The following EYS variants were observed in gnomAD, a reference collection of about 807,000 sequenced individuals.
The protein encoded by EYS is protein eyes shut homolog.
A neutral mutation model predicts 282.1 loss-of-function variants in EYS; 250 were observed. That is an observed-to-expected ratio of 0.89 (90% CI 0.80 to 0.98). The LOEUF (loss-of-function observed/expected upper bound fraction) is 0.98, where lower values mean the gene tolerates loss of function less well. EYS is among the 50% of genes least tolerant of loss of function. The pLI is 0.00. For synonymous variants in EYS, 1,355 were observed against 1,282.9 expected, an observed-to-expected ratio of 1.06 and a Z score of -1.20; for missense variants, 4,016 against 3,709.0, an observed-to-expected ratio of 1.08 and a Z score of -2.15.
chr6:64,101,649 A>T (rs1266843242), intron 31 of EYS, among the ~76,000 whole-genome samples: 1 of 151,376 alleles, frequency 6.6e-6, no homozygotes, highest in Non-Finnish European at 1.5e-5. Context: ...TCTAGTTCCC[A>T]TTTTTTTTGG....
intron 14 of EYS, among the ~76,000 whole-genome samples, chr6:64,951,673 CTGAGTTTGA>C (rs1467457070): frequency 6.6e-6 from 1 of 151,648 alleles, no homozygotes; most frequent in African/African-American, 2.4e-5. Flanking sequence ...AAGAAAAACT[CTGAGTTTGA>C]AAATTATAAC....
In EYS at chr6:65,620,284, A is replaced by G. The variant is rs191498160; in HGVS notation, c.-333+19494T>C. Among the ~76,000 whole-genome samples, 958 of 152,184 alleles carry G rather than the reference A, an allele frequency of 6.3e-3. 10 individuals are homozygous for G. Among genetic ancestry groups the G allele is most frequent in the African/African-American group, 0.022 (913 of 41,514 alleles). On this transcript the variant is annotated intron_variant, in intron 2 of 42. Transcript: ENST00000503581. ...AGCTTCTTCCTGGTTTAGTCTTGGG[A>G]GGGTGTATGTGTCGAGGAATTCATC...
Position 64,768,954 on chromosome 6 carries a change from A to G in EYS, c.3443+44424T>C, listed in dbSNP as rs560440254. ...GATGCTGGCAGGAAAAGTGTTGGCA[A>G]TTGTGTATGAATGGAGCTAGATCCT... On this transcript the variant is annotated intron_variant, in intron 22 of 42. Transcript: ENST00000503581. Among the ~76,000 whole-genome samples the G allele has an allele frequency of 1.9e-4, 29 of 152,220 alleles. No homozygotes were observed. In the South Asian group the frequency reaches 6.0e-3, roughly 32 times the overall value.
intron 22 of EYS, among the ~76,000 whole-genome samples, chr6:64,784,463 A>G (rs536084182): frequency 2.6e-5 from 4 of 152,120 alleles, no homozygotes; most frequent in Admixed American, 1.3e-4. Context: ...ATGGTTTGCT[A>G]GCTATCTTGC....
In EYS at chr6:65,527,777, T is replaced by C. The variant is rs190123179; in HGVS notation, c.-332-31784A>G. On this transcript the variant is annotated intron_variant, in intron 2 of 42. Coordinates refer to ENST00000503581, the MANE Select transcript of EYS (RefSeq NM_001142800.2). ...GAAAGTCATTCATCCATAGTAGACATGATAAACTGTGTAGATATGGGTTTG... is the reference window on the plus strand; with the variant it reads ...GAAAGTCATTCATCCATAGTAGACACGATAAACTGTGTAGATATGGGTTTG... Among the ~76,000 whole-genome samples, 7 of 152,294 alleles carry C rather than the reference T, an allele frequency of 4.6e-5. No homozygotes were observed. In the East Asian group the frequency reaches 7.7e-4, roughly 17 times the overall value.
In EYS at chr6:64,813,626, C is replaced by T. The variant is rs190511044; in HGVS notation, c.3244-49G>A. ...AATTTGATTATTAGTATAAGGTTGA[C>T]CATTTTAATATAATTATATTTTTAT... On this transcript the variant is annotated intron_variant, in intron 21 of 42. Transcript: ENST00000503581. The T allele has an allele frequency of 4.8e-5, 53 of 1,105,822 alleles. No homozygotes were observed. The Admixed American group carries it at 8.9e-4, about 19-fold the overall frequency. The allele number at this position is 1,105,822 out of a possible 1,614,324, so 68.5% of individuals were successfully genotyped here.
chr6:64,155,619 A>T (rs1292435766), intron 31 of EYS, among the ~76,000 whole-genome samples: 1 of 152,154 alleles, frequency 6.6e-6, no homozygotes, highest in Non-Finnish European at 1.5e-5. Context: ...CCTAGGAAGG[A>T]TACCGTGTAA....
rs375678452 is a variant in EYS, at chr6:65,443,390, GCA to G, written c.863-38025_863-38024del. Among the ~76,000 whole-genome samples, 19 of 100,868 alleles carry G rather than the reference GCA, an allele frequency of 1.9e-4. 4 individuals are homozygous for G. Among genetic ancestry groups the G allele is most frequent in the East Asian group, 3.8e-4 (1 of 2,638 alleles). 66.2% of individuals were successfully genotyped at this position (100,868 alleles called of 152,430 possible). ...TGTATGTACACATATAGACATATAT[GCA>G]TACATGTATGTACACATATAGCCAT... On this transcript the variant is annotated intron_variant, in intron 5 of 42. Transcript: ENST00000503581.
intron 2 of EYS, among the ~76,000 whole-genome samples, chr6:65,633,730 C>A (rs1342429506): frequency 6.6e-6 from 1 of 152,202 alleles, no homozygotes; most frequent in Non-Finnish European, 1.5e-5. Context: ...CAATTTCTCA[C>A]ACTTTTATAG....
At position 64,591,876 on chromosome 6, in the gene EYS, TAG is replaced by T; in HGVS notation, c.3989_3990del (p.Thr1330LysfsTer27). ...ESYLLQELIVTRELSAKHSLL... is the reference protein window; with the variant it reads ...ESYLLQELIVXRELSAKHSLL... ...AGACTGTGTTTTGCTGAAAGCTCTC[TAG>T]TGACAATCAGTTCTTGGAGTAAGTA... On this transcript the variant is annotated frameshift_variant, in exon 26 of 43. Coordinates refer to ENST00000503581, the MANE Select transcript of EYS (RefSeq NM_001142800.2). LOFTEE classifies it high-confidence loss of function. 5 of 1,551,128 alleles carry T rather than the reference TAG, an allele frequency of 3.2e-6. No homozygotes were observed. In the African/African-American group the frequency reaches 6.8e-5, roughly 21 times the overall value.
rs117439819 is a variant in EYS, at chr6:63,765,223, A to G, written c.7899-2590T>C. On this transcript the variant is annotated intron_variant, in intron 40 of 42. Transcript: ENST00000503581. Reference sequence around the variant, plus strand: ...GTATTGTGCTTGATACTGAGATTCTACAACACAGGAGGCTCCATTTTTGAC... The same window carrying G: ...GTATTGTGCTTGATACTGAGATTCTGCAACACAGGAGGCTCCATTTTTGAC... 6.0e-4 allele frequency among the ~76,000 whole-genome samples: 92 copies of G among 152,194 alleles called. No homozygotes were observed. In the East Asian group the frequency reaches 0.017, roughly 28 times the overall value.
chr6:64,395,975 T>G (rs1773357200), intron 28 of EYS, among the ~76,000 whole-genome samples: 1 of 151,942 alleles, frequency 6.6e-6, no homozygotes, highest in Non-Finnish European at 1.5e-5. Flanking sequence ...AATATTATAT[T>G]GTGAACATAG....
At chr6:64,551,181 C>G (rs1562056653) in intron 26 of EYS, among the ~76,000 whole-genome samples, 1 of 148,880 alleles carries the variant, frequency 6.7e-6, no homozygotes, top group Non-Finnish European at 1.5e-5. Context: ...CATATATACA[C>G]ACATATATAC....
At chr6:64,213,289 A>AG (rs1554219171) in intron 31 of EYS, among the ~76,000 whole-genome samples, 1 of 151,966 alleles carries the variant, frequency 6.6e-6, no homozygotes, top group Non-Finnish European at 1.5e-5. Context: ...ATATAAAAAA[A>AG]CCTTTCTAAA....
intron 27 of EYS, among the ~76,000 whole-genome samples, chr6:64,438,779 A>G (rs994886083): frequency 2.0e-5 from 3 of 151,700 alleles, no homozygotes; most frequent in African/African-American, 7.2e-5. Context: ...GAGCTTCTTA[A>G]GAACACTCTC....
At chr6:65,466,906 G>GTT (rs1297839500) in intron 5 of EYS, among the ~76,000 whole-genome samples, 1 of 152,202 alleles carries the variant, frequency 6.6e-6, no homozygotes, top group Non-Finnish European at 1.5e-5. Flanking sequence ...CTTAAGGGCA[G>GTT]TAGCAGCTTA....
chr6:65,520,860 C>T (rs1045585052), intron 2 of EYS, among the ~76,000 whole-genome samples: 5 of 151,804 alleles, frequency 3.3e-5, no homozygotes, highest in South Asian at 2.1e-4. Flanking sequence ...TTTCATTGGA[C>T]GAAGGGTAGT....
intron 26 of EYS, among the ~76,000 whole-genome samples, chr6:64,544,455 G>A (rs1362603149): frequency 6.6e-6 from 1 of 152,172 alleles, no homozygotes; most frequent in Non-Finnish European, 1.5e-5. Flanking sequence ...TCCTAGACTG[G>A]AGAGAGAAAG....
chr6:65,284,924 T>C (rs1768319085), intron 12 of EYS, among the ~76,000 whole-genome samples: 1 of 151,790 alleles, frequency 6.6e-6, no homozygotes, highest in South Asian at 2.1e-4. Context: ...ATTCTATTTG[T>C]AATGAAATAA....
Sources: gnomAD v4.1 joint callset for allele counts (sites outside exome capture counted in the v4.1 genomes callset) on GRCh38, gnomAD v4.1.1 for gene constraint, MANE v1.5 for transcripts, NCBI Gene and HGNC (gene_info 2026-07-23, HGNC 2026-07-21) for gene names.